ATG7: variants seen among roughly 807,000 people sequenced by gnomAD.
The protein encoded by ATG7 is ubiquitin-like modifier-activating enzyme ATG7.
Under a neutral mutation model 82.4 loss-of-function variants are expected in ATG7, and 70 were observed. That is an observed-to-expected ratio of 0.85 (90% CI 0.70 to 1.04). The LOEUF is 1.04. Among genes scored for constraint, ATG7 ranks in the 50% least tolerant of loss-of-function variants. The pLI is 0.00. For synonymous variants in ATG7, 287 were observed against 313.0 expected, an observed-to-expected ratio of 0.92 and a Z score of 0.88; for missense variants, 792 against 864.3, an observed-to-expected ratio of 0.92 and a Z score of 1.05.
rs545811769 is a variant in ATG7, at chr3:11,549,699, A to G, written c.2080-5112A>G. On this transcript the variant is annotated intron_variant, in intron 20 of 20. Transcript: ENST00000693202. Reference sequence around the variant, plus strand: ...TATTCTGAGTAAGACTGCTGCGGACATTCTGGCTCAAGTTTTTCTGTGGAC... The same window carrying G: ...TATTCTGAGTAAGACTGCTGCGGACGTTCTGGCTCAAGTTTTTCTGTGGAC... 3.3e-5 allele frequency among the ~76,000 whole-genome samples: 5 copies of G among 152,210 alleles called. No individual in the cohort carries two copies. In the East Asian group the frequency reaches 7.7e-4, roughly 23 times the overall value.
chr3:11,319,005 G>A lies in ATG7; in HGVS notation c.678+3512G>A, dbSNP rs558624139. ...TCTGCCTGCCCCATATCCCCAGCCT[G>A]TGAGCAACTTTAGCACAGAATCTTG... On this transcript the variant is annotated intron_variant, in intron 9 of 20. Transcript: ENST00000693202. Among the ~76,000 whole-genome samples, 9 of 152,292 alleles carry A rather than the reference G, an allele frequency of 5.9e-5. No individual in the cohort carries two copies. In the Middle Eastern group the frequency reaches 0.01, roughly 173 times the overall value.
intron 6 of ATG7, 87 bp from the exon 7 acceptor site, chr3:11,308,897 G>C (rs1392138384): frequency 8.1e-7 from 1 of 1,238,754 alleles, no homozygotes; most frequent in Non-Finnish European, 1.2e-6. Context: ...AGAAGAGCCT[G>C]GTGCTTTTCA....
chr3:11,372,593 G>A (rs936427578), intron 18 of ATG7, among the ~76,000 whole-genome samples: 1 of 150,802 alleles, frequency 6.6e-6, no homozygotes, highest in Non-Finnish European at 1.5e-5. Context: ...AAGCTCCTTT[G>A]TGCCTTCTCC....
At chr3:11,504,424 T>TA (rs770036195) in intron 20 of ATG7, among the ~76,000 whole-genome samples, 2 of 151,810 alleles carry the variant, frequency 1.3e-5, no homozygotes, top group African/African-American at 4.8e-5. Context: ...AAAGTAAGAG[T>TA]AACCAAGAAA....
chr3:11,411,229 A>G (rs1193187837), intron 19 of ATG7, among the ~76,000 whole-genome samples: 1 of 152,116 alleles, frequency 6.6e-6, no homozygotes, highest in African/African-American at 2.4e-5. Flanking sequence ...CTTATTGGCC[A>G]TTTGTATATC....
chr3:11,296,637 T>G lies in ATG7; in HGVS notation c.-10-2049T>G, dbSNP rs1050354335. 2.6e-5 allele frequency among the ~76,000 whole-genome samples: 4 copies of G among 152,332 alleles called. 1 individual carries two copies. The South Asian group carries it at 8.3e-4, about 32-fold the overall frequency. On this transcript the variant is annotated intron_variant, in intron 3 of 20. Transcript: ENST00000693202. ...CACATTTGAGGCTTCTCCATAGGTG[T>G]TCACCCATGTCACCTGCTCAGCTCT... is the stretch of plus-strand genomic sequence containing the variant.
At chr3:11,547,593 A>G (rs965854406) in intron 20 of ATG7, among the ~76,000 whole-genome samples, 4 of 152,194 alleles carry the variant, frequency 2.6e-5, no homozygotes, top group African/African-American at 4.8e-5. Flanking sequence ...GTAAACTGCC[A>G]GCTGTTTTTT....
Position 11,360,685 on chromosome 3 carries a change from T to A in ATG7, c.1584T>A (p.Pro528=), listed in dbSNP as rs776537103. The part of the protein sequence containing the change: ...QGAGDLCPNH[P]VASADLLGSS... ...CTGGGGACTTGTGTCCAAACCACCC[T>A]GTGGCATCTGCTGACCTCCTGGGCT... Residue 528 remains proline (P), a synonymous_variant, in exon 16 of 21, where the codon CCT becomes CCA. Coordinates refer to ENST00000693202, the MANE Select transcript of ATG7 (RefSeq NM_001349232.2). 3 of 1,614,070 alleles carry A rather than the reference T, an allele frequency of 1.9e-6. No individual in the cohort carries two copies. The highest frequency in any genetic ancestry group is 8.5e-7 in the Non-Finnish European group (1 of 1,180,026).
At chr3:11,409,518 A>G (rs973503878) in intron 19 of ATG7, among the ~76,000 whole-genome samples, 8 of 152,338 alleles carry the variant, frequency 5.3e-5, no homozygotes, top group Admixed American at 3.3e-4. Flanking sequence ...GGTGTAATAA[A>G]TGCATTTTAT....
intron 20 of ATG7, among the ~76,000 whole-genome samples, chr3:11,454,169 A>G (rs2085471025): frequency 6.6e-6 from 1 of 152,196 alleles, no homozygotes. Context: ...TTTTCTGCCT[A>G]GGAAAATGTA....
At chr3:11,554,347 G>A (rs1296755045) in intron 20 of ATG7, among the ~76,000 whole-genome samples, 1 of 152,208 alleles carries the variant, frequency 6.6e-6, no homozygotes, top group African/African-American at 2.4e-5. Context: ...TACAGTTAGA[G>A]GGAACATGGA....
At chr3:11,387,753 G>A (rs1397228548) in intron 19 of ATG7, among the ~76,000 whole-genome samples, 1 of 152,092 alleles carries the variant, frequency 6.6e-6, no homozygotes, top group African/African-American at 2.4e-5. Context: ...GGCGGATCAC[G>A]AGGTCAGGAG....
chr3:11,540,100 A>G (rs1009326189), intron 20 of ATG7, among the ~76,000 whole-genome samples: 1 of 152,212 alleles, frequency 6.6e-6, no homozygotes, highest in Non-Finnish European at 1.5e-5. Flanking sequence ...GTGGAAGTGT[A>G]TGTTTAACTT....
chr3:11,399,981 A>C (rs969003610), intron 19 of ATG7, among the ~76,000 whole-genome samples: 1 of 152,250 alleles, frequency 6.6e-6, no homozygotes, highest in Non-Finnish European at 1.5e-5. Context: ...TGTAGCCTAT[A>C]GACTATATTT....
intron 18 of ATG7, among the ~76,000 whole-genome samples, chr3:11,375,234 A>G (rs1011485179): frequency 5.1e-4 from 77 of 152,260 alleles, no homozygotes; most frequent in African/African-American, 1.8e-3. Context: ...CAAAAAAACC[A>G]GAATGGGAGA....
At chr3:11,378,637 A>G (rs2077620213) in intron 18 of ATG7, among the ~76,000 whole-genome samples, 1 of 142,792 alleles carries the variant, frequency 7.0e-6, no homozygotes, top group Non-Finnish European at 1.5e-5. Flanking sequence ...GTGAGCTGAG[A>G]TCACACCACT....
At position 11,315,364 on chromosome 3, in the gene ATG7, A is replaced by G. The variant is rs376661099; in HGVS notation, c.549A>G (p.Ala183=). The change falls in exon 9 of 21, where the codon GCA becomes GCG. Residue 183 remains alanine (A), a synonymous_variant. Transcript: ENST00000693202. The part of the protein sequence containing the change: ...SLKQIEALEC[A]YDNLCQTEGV... ...TTCAGATTGAAGCACTAGAGTGTGC[A>G]TATGATAATCTTTGTCAAACAGAAG... is the stretch of plus-strand genomic sequence containing the variant. 1.0e-4 allele frequency: 160 copies of G among 1,605,616 alleles called. No individual in the cohort carries two copies. The highest frequency in any genetic ancestry group is 1.3e-4 in the Non-Finnish European group (153 of 1,177,322).
intron 20 of ATG7, among the ~76,000 whole-genome samples, chr3:11,511,382 G>T (rs1251241049): frequency 1.3e-5 from 2 of 152,122 alleles, no homozygotes; most frequent in Non-Finnish European, 2.9e-5. Flanking sequence ...GTTCTCCAAG[G>T]CCCCACCAGA....
chr3:11,558,429 T>C, downstream of ATG7: 1 of 1,393,926 alleles, frequency 7.2e-7, no homozygotes, highest in African/African-American at 1.4e-5. Context: ...CAACATGGTT[T>C]TTGCAAATAA....
Sources: gnomAD v4.1 joint callset for allele counts (sites outside exome capture counted in the v4.1 genomes callset) on GRCh38, gnomAD v4.1.1 for gene constraint, MANE v1.5 for transcripts, NCBI Gene and HGNC (gene_info 2026-07-23, HGNC 2026-07-21) for gene names.